Variants in USP31 observed in about 807,000 individuals in gnomAD.
USP31 encodes the protein ubiquitin specific peptidase 31.
A neutral mutation model predicts 119.4 loss-of-function variants in USP31; 44 were observed. The observed-to-expected ratio is 0.37, with a 90% CI of 0.29 to 0.47. The LOEUF (loss-of-function observed/expected upper bound fraction) is 0.47, where lower values mean the gene tolerates loss of function less well. Among genes scored for constraint, USP31 ranks in the 20% least tolerant of loss-of-function variants. USP31 has a pLI of 0.99. For missense variants in USP31, 1,643 were observed against 1,730.2 expected (o/e 0.95, Z 0.89); for synonymous variants, 749 against 705.6 (o/e 1.06, Z -0.97).
intron 1 of USP31, among the ~76,000 whole-genome samples, chr16:23,118,019 CTTCAAG>C (rs1207089464): frequency 6.6e-6 from 1 of 152,294 alleles, no homozygotes; most frequent in Admixed American, 6.5e-5. Context: ...AAACTCCTGA[CTTCAAG>C]TGATCCTCCC....
intron 13 of USP31, among the ~76,000 whole-genome samples, chr16:23,078,035 C>T (rs558181085): frequency 5.9e-5 from 9 of 151,970 alleles, no homozygotes; most frequent in South Asian, 2.1e-4. Flanking sequence ...ATTTATAGGC[C>T]GGGCGCAGTG....
chr16:23,109,389 T>C (rs1190860700), intron 1 of USP31, among the ~76,000 whole-genome samples: 1 of 152,040 alleles, frequency 6.6e-6, no homozygotes, highest in Admixed American at 6.6e-5. Context: ...TGGAACAATC[T>C]GATCAACAGA....
rs776079396 is a variant in USP31, at chr16:23,149,018, G to C, written c.253C>G (p.Pro85Ala). 3.4e-6 allele frequency: 4 copies of C among 1,159,800 alleles called. No homozygotes were observed. The highest frequency in any genetic ancestry group is 4.3e-6 in the Non-Finnish European group (4 of 922,706). 71.8% of individuals were successfully genotyped at this position (1,159,800 alleles called of 1,614,324 possible). Reference protein sequence around the residue: ...LSHLSSEGAAPDRGGLRSCFP... With the variant: ...LSHLSSEGAAADRGGLRSCFP... ...CAGCTGCGGAGGCCGCCGCGGTCTG[G>C]GGCGGCGCCCTCAGAGCTAAGGTGC... is the stretch of plus-strand genomic sequence containing the variant. The change falls in exon 1 of 16, where the codon CCA becomes GCA. Residue 85 changes from proline to alanine, a missense_variant. Physicochemically the swap from Pro to Ala is conservative, Grantham distance 27. This residue lies in a region of USP31 where 302 missense variants were observed against 262.6 expected (regional missense o/e 1.15). Transcript: ENST00000219689.
At chr16:23,114,790 A>C (rs565553209) in intron 1 of USP31, among the ~76,000 whole-genome samples, 1 of 152,184 alleles carries the variant, frequency 6.6e-6, no homozygotes, top group Non-Finnish European at 1.5e-5. Flanking sequence ...ACCCCACCCT[A>C]AATCACTATA....
rs576961847 is a variant in USP31, at chr16:23,105,582, C to T, written c.954-6G>A. ...CTACAGTGACATAGAGAGGCCTGTACAGATCAAAGTCAGATCTTCTCATTA... is the reference window on the plus strand; with the variant it reads ...CTACAGTGACATAGAGAGGCCTGTATAGATCAAAGTCAGATCTTCTCATTA... On this transcript the variant is annotated splice_polypyrimidine_tract_variant and splice_region_variant and intron_variant, in intron 4 of 15. Transcript: ENST00000219689. 20 of 1,579,488 alleles carry T rather than the reference C, an allele frequency of 1.3e-5. No individual in the cohort carries two copies. In the African/African-American group the frequency reaches 2.3e-4, roughly 18 times the overall value.
chr16:23,069,589 C>T lies in USP31; in HGVS notation c.2516G>A (p.Arg839Lys). 1 of 1,609,842 alleles carries T rather than the reference C, an allele frequency of 6.2e-7. No individual in the cohort carries two copies. Among genetic ancestry groups the T allele is most frequent in the Non-Finnish European group, 8.5e-7 (1 of 1,176,552 alleles). Reference sequence around the variant, plus strand: ...TGACAAACTCTGACGCTGGACACTTCTCACAAATGGTCGAGTTGAAAAGCC... The same window carrying T: ...TGACAAACTCTGACGCTGGACACTTTTCACAAATGGTCGAGTTGAAAAGCC... ...DGGFSTRPFVRSVQRQSLSSR... is the reference protein window; with the variant it reads ...DGGFSTRPFVKSVQRQSLSSR... Residue 839 changes from arginine to lysine, a missense_variant, in exon 16 of 16, where the codon AGA (arginine) becomes AAA (lysine). Coordinates refer to ENST00000219689, the MANE Select transcript of USP31 (RefSeq NM_020718.4).
rs1899850496 is a variant in USP31, at chr16:23,061,995, G to A, written c.*6051C>T. The A allele has an allele frequency of 2.0e-5, 3 of 152,632 alleles. No individual in the cohort carries two copies. In the South Asian group the frequency reaches 6.2e-4, roughly 32 times the overall value. The allele number at this position is 152,632 out of a possible 1,614,324, so 9.5% of individuals were successfully genotyped here. On this transcript the variant is annotated 3_prime_UTR_variant, in exon 16 of 16. Coordinates refer to ENST00000219689, the MANE Select transcript of USP31 (RefSeq NM_020718.4). The stretch of plus-strand genomic sequence containing the variant: ...CTGTAACTGCTTTTGCATTTGGTAT[G>A]ACACCACACCGTTTATAATAGCACC...
intron 1 of USP31, among the ~76,000 whole-genome samples, chr16:23,137,723 T>G (rs922849706): frequency 6.6e-6 from 1 of 151,560 alleles, no homozygotes; most frequent in African/African-American, 2.4e-5. Flanking sequence ...TGTCTGGAAA[T>G]GTATCCTAAA....
At chr16:23,143,991 G>A (rs1903433307) in intron 1 of USP31, among the ~76,000 whole-genome samples, 1 of 152,108 alleles carries the variant, frequency 6.6e-6, no homozygotes, top group Non-Finnish European at 1.5e-5. Context: ...AAGGATAAAG[G>A]TAATGGCTAG....
At chr16:23,087,266 T>TTA (rs1901151649) in intron 8 of USP31, 80 bp from the exon 9 acceptor site, 30 of 1,267,490 alleles carry the variant, frequency 2.4e-5, no homozygotes, top group Non-Finnish European at 3.4e-5. Flanking sequence ...CCAAAACAGA[T>TTA]TAGAGTTACA....
At chr16:23,076,242 A>C (rs1189357084) in intron 13 of USP31, among the ~76,000 whole-genome samples, 1 of 151,958 alleles carries the variant, frequency 6.6e-6, no homozygotes, top group Non-Finnish European at 1.5e-5. Context: ...CTAAGTAACC[A>C]ACCTGCACAT....
At chr16:23,087,567 C>G (rs1370775658) in intron 8 of USP31, among the ~76,000 whole-genome samples, 157 bp downstream of exon 8, 6 of 152,146 alleles carry the variant, frequency 3.9e-5, no homozygotes, top group Admixed American at 3.9e-4. Flanking sequence ...TGCAGCAGTT[C>G]AAGGAAAACC....
rs772757508 is a variant in USP31, at chr16:23,066,917, T to A, written c.*1129A>T. The stretch of plus-strand genomic sequence containing the variant: ...ACTGAAAGGCAGCCCTAACAGAGAC[T>A]GACAGACAGGATCTGAAGTGCATAT... On this transcript the variant is annotated 3_prime_UTR_variant, in exon 16 of 16. Transcript: ENST00000219689. The A allele has an allele frequency of 6.6e-6, 1 of 152,226 alleles. No homozygotes were observed. The highest frequency in any genetic ancestry group is 2.4e-5 in the African/African-American group (1 of 41,468). The allele number at this position is 152,226 out of a possible 1,614,324, so 9.4% of individuals were successfully genotyped here. A position where few individuals can be genotyped will look rare whatever the true frequency, so the allele number is the denominator to read the frequency against.
chr16:23,099,384 G>C lies in USP31; in HGVS notation c.1234+2935C>G, dbSNP rs371002310. Among the ~76,000 whole-genome samples the C allele has an allele frequency of 7.9e-5, 12 of 152,276 alleles. No homozygotes were observed. In the East Asian group the frequency reaches 2.1e-3, roughly 27 times the overall value. ...ACACTGTTGGTGGGAGTGTAAATTA[G>C]TTCAACCATTGTGGAAGACAGTGTT... On this transcript the variant is annotated intron_variant, in intron 6 of 15. Coordinates refer to ENST00000219689, the MANE Select transcript of USP31 (RefSeq NM_020718.4).
At chr16:23,075,768 A>T (rs1279528696) in intron 13 of USP31, among the ~76,000 whole-genome samples, 1 of 152,226 alleles carries the variant, frequency 6.6e-6, no homozygotes, top group Non-Finnish European at 1.5e-5. Context: ...AGCTAGAAAC[A>T]GTGCAAAATA....
intron 1 of USP31, among the ~76,000 whole-genome samples, chr16:23,124,310 T>C (rs926812569): frequency 2.0e-5 from 3 of 152,080 alleles, no homozygotes; most frequent in African/African-American, 7.2e-5. Flanking sequence ...CAAAATAATA[T>C]GATCAAGCCA....
chr16:23,117,641 C>T (rs575590054), intron 1 of USP31, among the ~76,000 whole-genome samples: 3 of 152,172 alleles, frequency 2.0e-5, no homozygotes, highest in African/African-American at 7.2e-5. Context: ...TAAGTACTTA[C>T]ACAATGGTAA....
At chr16:23,073,946 A>G in intron 13 of USP31, 66 bp from the exon 14 acceptor site, 8 of 1,606,422 alleles carry the variant, frequency 5.0e-6, no homozygotes, top group Non-Finnish European at 6.8e-6. Context: ...CGACCCACAG[A>G]CACCATCTCT....
chr16:23,124,471 T>C (rs1025754039), intron 1 of USP31, among the ~76,000 whole-genome samples: 4 of 152,200 alleles, frequency 2.6e-5, no homozygotes, highest in African/African-American at 4.8e-5. Flanking sequence ...TGGCACAGAA[T>C]GTATCATACT....
Sources: gnomAD v4.1 joint callset for allele counts (sites outside exome capture counted in the v4.1 genomes callset) on GRCh38, gnomAD v4.1.1 for gene constraint, gnomAD v4.1.1 regional missense constraint, MANE v1.5 for transcripts, NCBI Gene and HGNC (gene_info 2026-07-23, HGNC 2026-07-21) for gene names.